The following CPSF7 variants were observed in gnomAD, a reference collection of about 807,000 sequenced individuals.
CPSF7 encodes cleavage and polyadenylation specific factor 7, also known as cleavage and polyadenylation specificity factor subunit 7.
In CPSF7, 1 loss-of-function variant was observed where a neutral mutation model predicts 44.3. The observed-to-expected ratio is 0.02, with a 90% CI of 0.01 to 0.11. The LOEUF is 0.11. Ranked by LOEUF, CPSF7 falls within the 10% of genes least tolerant of loss-of-function variation. CPSF7 has a pLI of 1.00. For synonymous variants in CPSF7, 202 were observed against 222.0 expected (o/e 0.91, Z 0.80); for missense variants, 443 against 607.2 (o/e 0.73, Z 2.84).
In CPSF7 at chr11:61,419,844, C is replaced by T. The variant is rs1003358121; in HGVS notation, c.523+105G>A. On this transcript the variant is annotated intron_variant, in intron 5 of 9. Transcript: ENST00000439958. ...CACCATCACCCTCCCCCAAACTCAC[C>T]CACACTGTAGGCTAAGCCTACACCA... is the stretch of plus-strand genomic sequence containing the variant. The T allele has an allele frequency of 2.8e-6, 4 of 1,435,942 alleles. No individual in the cohort carries two copies. The Admixed American group carries it at 8.5e-5, about 31-fold the overall frequency. The allele number at this position is 1,435,942 out of a possible 1,614,324, so 89.0% of individuals were successfully genotyped here.
intron 5 of CPSF7, among the ~76,000 whole-genome samples, chr11:61,417,395 T>C (rs1339261483): frequency 6.6e-6 from 1 of 152,226 alleles, no homozygotes; most frequent in Non-Finnish European, 1.5e-5. Context: ...CATTGTCAAG[T>C]CACTTGGTTA....
chr11:61,420,414 G>C, intron 4 of CPSF7, 56 bp downstream of exon 4: 1 of 1,458,444 alleles, frequency 6.9e-7, no homozygotes, highest in Non-Finnish European at 9.6e-7. Flanking sequence ...ATATAGTACA[G>C]ATCTTTTATC....
At chr11:61,410,146 A>T (rs914183349) in intron 9 of CPSF7, among the ~76,000 whole-genome samples, 2 of 151,094 alleles carry the variant, frequency 1.3e-5, no homozygotes, top group Admixed American at 1.3e-4. Context: ...CGCTCAGGCC[A>T]GAGTGCAGTG....
chr11:61,417,348 A>T (rs1474412110), intron 5 of CPSF7, among the ~76,000 whole-genome samples: 1 of 152,264 alleles, frequency 6.6e-6, no homozygotes, highest in Non-Finnish European at 1.5e-5. Context: ...ACAGGAGCTC[A>T]GAACATGTTT....
At chr11:61,421,200 T>C in intron 3 of CPSF7, 190 bp downstream of exon 3, 1 of 1,135,568 alleles carries the variant, frequency 8.8e-7, no homozygotes, top group South Asian at 1.3e-5. Flanking sequence ...ACTTAATCAT[T>C]GCTTTCTTCG....
rs1309616999 is a variant in CPSF7, at chr11:61,419,992, G to A, written c.480C>T (p.Ala160=). ...CAAACTGTGACAGGTTCTGCCGGGT[G>A]GCCGGCCTCACGTCCACTTTTTCTC... ...LNGEKVDVRP[A]TRQNLSQFEA... is the part of the protein sequence containing the mutation. Residue 160 remains alanine, a synonymous_variant, in exon 5 of 10, where the codon GCC becomes GCT. Coordinates refer to ENST00000439958, the MANE Select transcript of CPSF7 (RefSeq NM_001142565.3). 9 of 1,614,168 alleles carry A rather than the reference G, an allele frequency of 5.6e-6. No homozygotes were observed. The highest frequency in any genetic ancestry group is 7.6e-6 in the Non-Finnish European group (9 of 1,180,032).
intron 9 of CPSF7, among the ~76,000 whole-genome samples, chr11:61,404,944 A>G (rs563234293): frequency 6.6e-6 from 1 of 152,356 alleles, no homozygotes; most frequent in African/African-American, 2.4e-5. Context: ...CATCCACTAT[A>G]AAGATTCGGT....
intron 5 of CPSF7, among the ~76,000 whole-genome samples, chr11:61,419,393 C>T (rs989037126): frequency 9.9e-5 from 15 of 152,238 alleles, no homozygotes; most frequent in African/African-American, 3.4e-4. Context: ...AGAGCACCCT[C>T]TCCCCTGGAC....
intron 2 of CPSF7, among the ~76,000 whole-genome samples, chr11:61,423,805 C>CT (rs1861114924): frequency 6.6e-6 from 1 of 152,166 alleles, no homozygotes; most frequent in African/African-American, 2.4e-5. Context: ...AAAATTTACT[C>CT]TTAGACCAGT....
intron 2 of CPSF7, among the ~76,000 whole-genome samples, chr11:61,425,971 G>A (rs1398907040): frequency 6.6e-6 from 1 of 152,310 alleles, no homozygotes; most frequent in Non-Finnish European, 1.5e-5. Flanking sequence ...GTCTCAGTAT[G>A]AAAAGCCAAA....
At chr11:61,411,968 G>A (rs764062212) in intron 7 of CPSF7, 31 bp from the exon 8 acceptor site, 2 of 1,600,870 alleles carry the variant, frequency 1.2e-6, no homozygotes, top group Non-Finnish European at 1.7e-6. Context: ...AAGGCCAAGG[G>A]TGAGGAGAGA....
rs536508727 is a variant in CPSF7, at chr11:61,413,429, G to C, written c.1058-1492C>G. 2.0e-5 allele frequency among the ~76,000 whole-genome samples: 3 copies of C among 152,018 alleles called. No homozygotes were observed. In the South Asian group the frequency reaches 6.2e-4, roughly 32 times the overall value. On this transcript the variant is annotated intron_variant, in intron 7 of 9. Coordinates refer to ENST00000439958, the MANE Select transcript of CPSF7 (RefSeq NM_001142565.3). The stretch of plus-strand genomic sequence containing the variant: ...GGCGGATCACTTGAAGCCAGAGTTC[G>C]AGACCAGCCTGGCCAAAATGGTGAA...
At chr11:61,428,868 A>AT (rs1256329308) in intron 2 of CPSF7, 1 of 194,838 alleles carries the variant, frequency 5.1e-6, no homozygotes, top group Non-Finnish European at 1.1e-5. Context: ...TGTACTTTTG[A>AT]TTTTTAAGTG....
chr11:61,422,317 C>CTTT (rs768474632), intron 2 of CPSF7, among the ~76,000 whole-genome samples: 1 of 144,434 alleles, frequency 6.9e-6, no homozygotes, highest in African/African-American at 2.5e-5. Flanking sequence ...ATCTAGGAGA[C>CTTT]TTTTTTTTTT....
chr11:61,424,140 T>C (rs888896237), intron 2 of CPSF7, among the ~76,000 whole-genome samples: 48 of 152,216 alleles, frequency 3.2e-4, no homozygotes, highest in African/African-American at 1.1e-3. Flanking sequence ...TCAAAAAGGA[T>C]TGTGCATAAA....
chr11:61,428,571 T>A (rs530445248), intron 2 of CPSF7, among the ~76,000 whole-genome samples: 35 of 152,334 alleles, frequency 2.3e-4, no homozygotes, highest in South Asian at 1.0e-3. Context: ...ATCAGTTTTC[T>A]AACTGGTTTG....
chr11:61,429,396 G>A (rs949832597), intron 1 of CPSF7, 106 bp from the exon 2 acceptor site: 1 of 699,902 alleles, frequency 1.4e-6, no homozygotes, highest in South Asian at 1.7e-5. Flanking sequence ...GCATCCTGGC[G>A]GCCCCAGCTC....
At chr11:61,405,361 A>AT (rs1418370737) in intron 9 of CPSF7, among the ~76,000 whole-genome samples, 2 of 152,152 alleles carry the variant, frequency 1.3e-5, no homozygotes, top group Non-Finnish European at 2.9e-5. Context: ...AAAACTCGAG[A>AT]TTTTAAGTCT....
Position 61,429,932 on chromosome 11 carries a change from G to A in CPSF7, c.-74C>T. The A allele has an allele frequency of 6.9e-7, 1 of 1,442,344 alleles. No individual in the cohort carries two copies. Among genetic ancestry groups the A allele is most frequent in the South Asian group, 1.3e-5 (1 of 76,364 alleles). The allele number at this position is 1,442,344 out of a possible 1,614,324, so 89.3% of individuals were successfully genotyped here. A position where few individuals can be genotyped will look rare whatever the true frequency, so the allele number is the denominator to read the frequency against. Reference sequence around the variant, plus strand: ...CCGTTACCGGGAATATGGCGGCGGCGGCGGCGAGTCCGGACTAGGCCCGAA... The same window carrying A: ...CCGTTACCGGGAATATGGCGGCGGCAGCGGCGAGTCCGGACTAGGCCCGAA... On this transcript the variant is annotated 5_prime_UTR_variant, in exon 1 of 10. Coordinates refer to ENST00000439958, the MANE Select transcript of CPSF7 (RefSeq NM_001142565.3).
Sources: gnomAD v4.1 joint callset for allele counts (sites outside exome capture counted in the v4.1 genomes callset) on GRCh38, gnomAD v4.1.1 for gene constraint, MANE v1.5 for transcripts, NCBI Gene and HGNC (gene_info 2026-07-23, HGNC 2026-07-21) for gene names.